Variants in CDH8 observed in about 807,000 individuals in gnomAD.
CDH8 encodes the protein cadherin 8.
CDH8 carries 17 observed loss-of-function variants against 68.1 expected under a neutral mutation model. The ratio of observed to expected loss-of-function variants is 0.25; its 90% CI spans 0.17 to 0.37. The LOEUF (loss-of-function observed/expected upper bound fraction) is 0.37, where lower values mean the gene tolerates loss of function less well. Ranked by LOEUF, CDH8 falls within the 10% of genes least tolerant of loss-of-function variation. CDH8 has a pLI of 1.00. For missense variants in CDH8, 763 were observed against 999.3 expected (o/e 0.76, Z 3.19); for synonymous variants, 372 against 365.1 (o/e 1.02, Z -0.21).
intron 1 of CDH8, among the ~76,000 whole-genome samples, chr16:62,034,034 G>A (rs1008512290): frequency 3.3e-5 from 5 of 151,932 alleles, no homozygotes; most frequent in South Asian, 2.1e-4. Context: ...CACAGAGCTC[G>A]GGGAAGTGGA....
intron 1 of CDH8, among the ~76,000 whole-genome samples, chr16:62,022,916 T>C (rs9940030): frequency 0.51 from 77,916 of 151,848 alleles, 21,323 homozygotes; most frequent in African/African-American, 0.71. Flanking sequence ...CTCTATAATT[T>C]AAAAGGGCTT....
At chr16:61,865,163 A>T (rs1256273410) in intron 3 of CDH8, among the ~76,000 whole-genome samples, 1 of 152,172 alleles carries the variant, frequency 6.6e-6, no homozygotes, top group Non-Finnish European at 1.5e-5. Context: ...ACAGATTCTT[A>T]ACTGCAGTCA....
chr16:62,003,333 A>C (rs1160654000), intron 2 of CDH8, among the ~76,000 whole-genome samples: 3 of 152,216 alleles, frequency 2.0e-5, no homozygotes, highest in Non-Finnish European at 4.4e-5. Flanking sequence ...CGTTTTTAAA[A>C]TTTTGCACAA....
At chr16:61,878,053 C>G (rs1460112131) in intron 3 of CDH8, among the ~76,000 whole-genome samples, 9 of 152,094 alleles carry the variant, frequency 5.9e-5, no homozygotes, top group African/African-American at 1.9e-4. Flanking sequence ...CAGAACTGAC[C>G]ATCTAGACAA....
chr16:61,982,368 C>A (rs372604960), intron 2 of CDH8, among the ~76,000 whole-genome samples: 1 of 152,088 alleles, frequency 6.6e-6, no homozygotes, highest in African/African-American at 2.4e-5. Flanking sequence ...TACAGGCGCC[C>A]GCCACCTCGC....
At chr16:61,834,328 G>C (rs1962522595) in intron 4 of CDH8, among the ~76,000 whole-genome samples, 1 of 151,876 alleles carries the variant, frequency 6.6e-6, no homozygotes, top group African/African-American at 2.4e-5. Flanking sequence ...CTGCTTCAAG[G>C]CTCAAGGGCT....
chr16:61,916,373 G>A (rs996150633), intron 2 of CDH8, among the ~76,000 whole-genome samples: 3 of 152,036 alleles, frequency 2.0e-5, no homozygotes, highest in African/African-American at 7.3e-5. Flanking sequence ...AAATTAGCTG[G>A]GTGTGGTGGC....
chr16:61,771,345 G>A (rs565035970), intron 8 of CDH8, among the ~76,000 whole-genome samples: 2 of 151,428 alleles, frequency 1.3e-5, no homozygotes, highest in Non-Finnish European at 2.9e-5. Context: ...CAGTTCAGCA[G>A]GAAATCAAAT....
At chr16:61,751,037 A>G (rs1301644255) in intron 8 of CDH8, among the ~76,000 whole-genome samples, 1 of 152,134 alleles carries the variant, frequency 6.6e-6, no homozygotes. Flanking sequence ...ATAGAAAATA[A>G]AAGCAAAGGA....
At chr16:62,034,266 A>T (rs1902399404) in intron 1 of CDH8, among the ~76,000 whole-genome samples, 1 of 152,094 alleles carries the variant, frequency 6.6e-6, no homozygotes, top group African/African-American at 2.4e-5. Flanking sequence ...ATGCAAAGCA[A>T]TATCTAGGCA....
At chr16:61,721,693 A>C (rs918203258) in intron 9 of CDH8, among the ~76,000 whole-genome samples, 1 of 150,746 alleles carries the variant, frequency 6.6e-6, no homozygotes, top group East Asian at 1.9e-4. Context: ...TCATATTCTC[A>C]TGATTATTTT....
At chr16:61,864,505 C>A (rs1159030053) in intron 3 of CDH8, among the ~76,000 whole-genome samples, 1 of 152,158 alleles carries the variant, frequency 6.6e-6, no homozygotes, top group Non-Finnish European at 1.5e-5. Context: ...TAGTCTTCAA[C>A]ATTCATTTCT....
intron 2 of CDH8, among the ~76,000 whole-genome samples, chr16:61,961,970 GTTGA>G (rs1251901140): frequency 1.1e-4 from 16 of 152,138 alleles, no homozygotes; most frequent in Non-Finnish European, 2.1e-4. Context: ...AATGTAAATA[GTTGA>G]TTATCACATA....
chr16:61,698,345 C>G (rs1964364977), intron 10 of CDH8, among the ~76,000 whole-genome samples: 1 of 152,232 alleles, frequency 6.6e-6, no homozygotes, highest in African/African-American at 2.4e-5. Context: ...AGAACCCAAT[C>G]TGTGGGAAAT....
chr16:61,938,495 C>G (rs903988869), intron 2 of CDH8, among the ~76,000 whole-genome samples: 1 of 152,144 alleles, frequency 6.6e-6, no homozygotes, highest in Non-Finnish European at 1.5e-5. Context: ...AGGCCCTACG[C>G]CTTGTCCACA....
chr16:61,652,808 A>G lies in CDH8; in HGVS notation c.*800T>C, dbSNP rs1283457693. On this transcript the variant is annotated 3_prime_UTR_variant, in exon 12 of 12. Coordinates refer to ENST00000577390, the MANE Select transcript of CDH8 (RefSeq NM_001796.5). ...AAATTCACGCGCTAGCAATAAAACC[A>G]TCTGTCTCTTATGTAGTCCACTGTG... is the stretch of plus-strand genomic sequence containing the variant. The G allele has an allele frequency of 1.0e-5, 14 of 1,385,930 alleles. No homozygotes were observed. The highest frequency in any genetic ancestry group is 1.7e-5 in the South Asian group (1 of 57,862). 85.9% of individuals were successfully genotyped at this position (1,385,930 alleles called of 1,614,324 possible).
intron 10 of CDH8, among the ~76,000 whole-genome samples, chr16:61,695,968 T>A (rs992851137): frequency 2.6e-5 from 4 of 152,124 alleles, no homozygotes; most frequent in African/African-American, 9.7e-5. Context: ...TGATAGCAGA[T>A]CTTGATATAA....
chr16:61,747,789 A>C (rs1960059372), intron 8 of CDH8, among the ~76,000 whole-genome samples: 1 of 151,990 alleles, frequency 6.6e-6, no homozygotes, highest in South Asian at 2.1e-4. Flanking sequence ...TAAAAAAAAA[A>C]GATGCAGGAA....
intron 2 of CDH8, among the ~76,000 whole-genome samples, chr16:61,947,287 AAAAC>A (rs1964817239): frequency 6.6e-6 from 1 of 152,256 alleles, no homozygotes; most frequent in Non-Finnish European, 1.5e-5. Context: ...TTTTTATATG[AAAAC>A]AGTTTGAATT....
Sources: allele counts gnomAD v4.1 joint callset (sites outside exome capture counted in the v4.1 genomes callset), GRCh38; gene constraint gnomAD v4.1.1; transcripts MANE v1.5; gene names NCBI Gene and HGNC (gene_info 2026-07-23, HGNC 2026-07-21).